SLIT3: variants seen among roughly 807,000 people sequenced by gnomAD.
SLIT3 encodes slit homolog 3 protein.
In SLIT3, 68 loss-of-function variants were observed where a neutral mutation model predicts 184.0. The ratio of observed to expected loss-of-function variants is 0.37; its 90% CI spans 0.30 to 0.45. The LOEUF (loss-of-function observed/expected upper bound fraction) is 0.45. SLIT3 is among the 20% of genes least tolerant of loss of function. SLIT3 has a pLI of 1.00. For synonymous variants in SLIT3, 831 were observed against 828.6 expected (o/e 1.00, Z -0.05); for missense variants, 1,707 against 2,026.0 (o/e 0.84, Z 3.02).
chr5:169,155,907 T>G (rs1762289112), intron 4 of SLIT3, among the ~76,000 whole-genome samples: 1 of 152,202 alleles, frequency 6.6e-6, no homozygotes, highest in Non-Finnish European at 1.5e-5. Flanking sequence ...ATAAGCTGCC[T>G]CTTCAGGACA....
chr5:169,127,347 A>T (rs1761119430), intron 4 of SLIT3, among the ~76,000 whole-genome samples: 2 of 152,166 alleles, frequency 1.3e-5, no homozygotes, highest in African/African-American at 4.8e-5. Context: ...CAATTACTAA[A>T]AGGAAGCAGC....
chr5:169,040,701 C>T (rs1479027484), intron 4 of SLIT3, among the ~76,000 whole-genome samples: 1 of 152,212 alleles, frequency 6.6e-6, no homozygotes, highest in Non-Finnish European at 1.5e-5. Context: ...GTAAGCTTTG[C>T]GTGATGGCAC....
intron 4 of SLIT3, chr5:169,024,535 A>G (rs1166833237): frequency 1.3e-5 from 2 of 152,216 alleles, no homozygotes. Context: ...TGACTCGGCC[A>G]TGAACCTACT....
intron 4 of SLIT3, chr5:169,037,805 C>T (rs1757308205): frequency 6.6e-6 from 1 of 152,276 alleles, no homozygotes; most frequent in African/African-American, 2.4e-5. Context: ...GAGACTGCCG[C>T]ACTGTGACCT....
chr5:168,970,708 G>A (rs1181795026), intron 4 of SLIT3, among the ~76,000 whole-genome samples: 1 of 152,056 alleles, frequency 6.6e-6, no homozygotes, highest in Non-Finnish European at 1.5e-5. Context: ...CCTATTCTAT[G>A]TAGTTTCCTA....
chr5:168,887,222 C>G (rs376023525), intron 4 of SLIT3, among the ~76,000 whole-genome samples: 7 of 152,190 alleles, frequency 4.6e-5, no homozygotes, highest in Middle Eastern at 3.4e-3. Flanking sequence ...GGAGGAGGAA[C>G]ATGTTCTCCT....
In SLIT3 at chr5:168,995,524, T is replaced by C. The variant is rs79000791; in HGVS notation, c.414-112188A>G. 5 of 152,236 alleles carry C rather than the reference T, an allele frequency of 3.3e-5. No homozygotes were observed. In the East Asian group the frequency reaches 9.6e-4, roughly 29 times the overall value. 9.4% of individuals were successfully genotyped at this position (152,236 alleles called of 1,614,324 possible). A position where few individuals can be genotyped will look rare whatever the true frequency, so the allele number is the denominator to read the frequency against. On this transcript the variant is annotated intron_variant, in intron 4 of 35. Transcript: ENST00000519560. ...ATTAAGTGATGAAAGAAAGTGCTTT[T>C]AATTGTGTTCGTTGGTATGAGGGGA...
intron 14 of SLIT3, among the ~76,000 whole-genome samples, chr5:168,768,983 A>T (rs1402370825): frequency 6.6e-6 from 1 of 152,172 alleles, no homozygotes; most frequent in East Asian, 1.9e-4. Context: ...CTGCAATCAT[A>T]GTTGTTGTTT....
Position 168,780,723 on chromosome 5 carries a change from C to T in SLIT3, c.1151+5184G>A, listed in dbSNP as rs777796085. On this transcript the variant is annotated intron_variant, in intron 12 of 35. Transcript: ENST00000519560. Reference sequence around the variant, plus strand: ...ATATGCCTTCCTTCTTTTTATTTCTCTAGTATTAACCCTCTGTCATCCTGA... The same window carrying T: ...ATATGCCTTCCTTCTTTTTATTTCTTTAGTATTAACCCTCTGTCATCCTGA... Among the ~76,000 whole-genome samples, 78 of 152,190 alleles carry T rather than the reference C, an allele frequency of 5.1e-4. 1 individual carries two copies. The highest frequency in any genetic ancestry group is 2.9e-4 in the Non-Finnish European group (20 of 68,046).
intron 32 of SLIT3, among the ~76,000 whole-genome samples, chr5:168,682,216 G>A (rs1036714000): frequency 6.6e-6 from 1 of 152,222 alleles, no homozygotes; most frequent in African/African-American, 2.4e-5. Flanking sequence ...TCCACTGGGA[G>A]CCTCTTGCTC....
At chr5:168,735,425 A>G (rs1428798537) in intron 20 of SLIT3, among the ~76,000 whole-genome samples, 2 of 152,136 alleles carry the variant, frequency 1.3e-5, no homozygotes, top group Non-Finnish European at 2.9e-5. Flanking sequence ...GGGGTCAGGC[A>G]GCTGAGGCTC....
chr5:169,010,899 ACT>A (rs1264891023), intron 4 of SLIT3, among the ~76,000 whole-genome samples: 4 of 138,920 alleles, frequency 2.9e-5, no homozygotes, highest in Admixed American at 7.6e-5. Context: ...ACAGAGTGAG[ACT>A]CTGTTTCCAA....
chr5:169,096,289 AATG>A (rs1049311662), intron 4 of SLIT3, among the ~76,000 whole-genome samples: 3 of 152,234 alleles, frequency 2.0e-5, no homozygotes, highest in Non-Finnish European at 4.4e-5. Flanking sequence ...AGAGTAAAAT[AATG>A]ATGTTATAAA....
chr5:169,074,570 TA>T (rs1758668243), intron 4 of SLIT3, among the ~76,000 whole-genome samples: 1 of 152,072 alleles, frequency 6.6e-6, no homozygotes, highest in Admixed American at 6.6e-5. Flanking sequence ...GTTGAGGGAG[TA>T]AAAGCTCGGA....
chr5:168,918,059 G>A (rs562519311), intron 4 of SLIT3, among the ~76,000 whole-genome samples: 22 of 152,144 alleles, frequency 1.4e-4, no homozygotes, highest in Non-Finnish European at 2.6e-4. Flanking sequence ...AGTTAGCCCT[G>A]AAGAGTTAAA....
Position 168,698,954 on chromosome 5 carries a change from A to G in SLIT3, c.2942+1628T>C, listed in dbSNP as rs1275437521. Among the ~76,000 whole-genome samples, 3 of 152,352 alleles carry G rather than the reference A, an allele frequency of 2.0e-5. No homozygotes were observed. In the East Asian group the frequency reaches 5.8e-4, roughly 29 times the overall value. On this transcript the variant is annotated intron_variant, in intron 27 of 35. Coordinates refer to ENST00000519560, the MANE Select transcript of SLIT3 (RefSeq NM_003062.4). ...CAACCGAACCTCCAGCTGAGATGGG[A>G]GAAACACAGTTGCCTGCAGCGGGGA...
chr5:169,045,318 G>A lies in SLIT3; in HGVS notation c.413+148161C>T, dbSNP rs143597498. ...CACTTGCTACTTCCTCACTGCCCGG[G>A]CTTTCCCTCACACCTAGGAAAATCC... On this transcript the variant is annotated intron_variant, in intron 4 of 35. Coordinates refer to ENST00000519560, the MANE Select transcript of SLIT3 (RefSeq NM_003062.4). Among the ~76,000 whole-genome samples, 58 of 151,960 alleles carry A rather than the reference G, an allele frequency of 3.8e-4. No homozygotes were observed. In the East Asian group the frequency reaches 7.2e-3, roughly 19 times the overall value.
intron 4 of SLIT3, among the ~76,000 whole-genome samples, chr5:169,193,071 A>T (rs1171414774): frequency 1.3e-5 from 2 of 152,212 alleles, no homozygotes; most frequent in Non-Finnish European, 2.9e-5. Flanking sequence ...TCAACCAGCA[A>T]GGTGATGAGG....
chr5:169,251,392 C>T lies in SLIT3; in HGVS notation c.265G>A (p.Val89Ile), dbSNP rs758606898. ...MDFAGLKNLRVLHLEDNQVSV... is the reference protein window; with the variant it reads ...MDFAGLKNLRILHLEDNQVSV... ...TGAGAGCCATCAACTACTTACAAGA[C>T]TCGGAGGTTCTTGAGCCCAGCGAAG... is the stretch of plus-strand genomic sequence containing the variant. The change falls in exon 2 of 36, where the codon GTC becomes ATC. Residue 89 changes from valine to isoleucine, a missense_variant. Physicochemically the swap from Val to Ile is conservative, Grantham distance 29. Coordinates refer to ENST00000519560, the MANE Select transcript of SLIT3 (RefSeq NM_003062.4). 21 of 1,609,964 alleles carry T rather than the reference C, an allele frequency of 1.3e-5. No individual in the cohort carries two copies. In the East Asian group the frequency reaches 4.5e-4, roughly 34 times the overall value.
Sources: gnomAD v4.1 joint callset for allele counts (sites outside exome capture counted in the v4.1 genomes callset) on GRCh38, gnomAD v4.1.1 for gene constraint, MANE v1.5 for transcripts, NCBI Gene and HGNC (gene_info 2026-07-23, HGNC 2026-07-21) for gene names.